FRY: variants seen among roughly 807,000 people sequenced by gnomAD.
FRY encodes the protein protein furry homolog.
A neutral mutation model predicts 348.4 loss-of-function variants in FRY; 128 were observed. The observed-to-expected ratio is 0.37, with a 90% CI of 0.32 to 0.43. FRY has a LOEUF of 0.43. Among genes scored for constraint, FRY ranks in the 20% least tolerant of loss-of-function variants. The pLI is 1.00. For missense variants in FRY, 2,736 were observed against 3,695.2 expected (o/e 0.74, Z 6.73); for synonymous variants, 1,370 against 1,374.7 (o/e 1.00, Z 0.08).
At chr13:32,268,486 TAAAAAAAAAAAA>T (rs1163691921) in intron 55 of FRY, among the ~76,000 whole-genome samples, 8 of 61,056 alleles carry the variant, frequency 1.3e-4, no homozygotes, top group South Asian at 5.9e-4. Flanking sequence ...AAAGCTAGTT[TAAAAAAAAAAAA>T]AAAAAAAATA....
intron 18 of FRY, among the ~76,000 whole-genome samples, chr13:32,171,983 A>C (rs1452547827): frequency 2.1e-4 from 2 of 9,740 alleles, no homozygotes; most frequent in Admixed American, 1.2e-3. Context: ...TGTAGATAGG[A>C]TGTGGATGTG....
intron 1 of FRY, among the ~76,000 whole-genome samples, chr13:32,074,178 C>T (rs1463198238): frequency 6.6e-6 from 1 of 152,094 alleles, no homozygotes; most frequent in Non-Finnish European, 1.5e-5. Flanking sequence ...ATGGGCCCTG[C>T]TTAATATAAA....
intron 59 of FRY, 100 bp from the exon 60 acceptor site, chr13:32,294,268 T>G: frequency 7.6e-6 from 6 of 792,870 alleles, no homozygotes; most frequent in Non-Finnish European, 1.3e-5. Flanking sequence ...GTATTAAGCT[T>G]ATGCTTAACC....
Position 32,186,216 on chromosome 13 carries a change from A to G in FRY, c.3320-44A>G, listed in dbSNP as rs771350197. On this transcript the variant is annotated intron_variant, in intron 26 of 60. Transcript: ENST00000542859. ...AGAAATATATATAATAGCGATATAC[A>G]GTATGTCCAGTCTTATAACCTCTAA... is the stretch of plus-strand genomic sequence containing the variant. The G allele has an allele frequency of 5.1e-6, 7 of 1,363,212 alleles. No individual in the cohort carries two copies. The South Asian group carries it at 7.0e-5, about 14-fold the overall frequency. The allele number at this position is 1,363,212 out of a possible 1,614,324, so 84.4% of individuals were successfully genotyped here.
chr13:32,198,350 A>G (rs1883810308), intron 29 of FRY, among the ~76,000 whole-genome samples: 2 of 152,206 alleles, frequency 1.3e-5, no homozygotes, highest in Admixed American at 1.3e-4. Context: ...ACAGAGACAT[A>G]GGTAAAGCAT....
intron 48 of FRY, 31 bp downstream of exon 48, chr13:32,247,533 CT>C: frequency 6.5e-7 from 1 of 1,531,882 alleles, no homozygotes; most frequent in Non-Finnish European, 9.0e-7. Flanking sequence ...TTTCTGTGAA[CT>C]TTAGCATGAA....
intron 11 of FRY, among the ~76,000 whole-genome samples, chr13:32,143,332 A>G (rs1880201828): frequency 6.6e-6 from 1 of 152,250 alleles, no homozygotes; most frequent in African/African-American, 2.4e-5. Context: ...AATGCTAAAA[A>G]CCAATTAACA....
intron 19 of FRY, 102 bp from the exon 20 acceptor site, chr13:32,175,444 C>G: frequency 1.3e-6 from 1 of 790,700 alleles, no homozygotes; most frequent in Non-Finnish European, 2.3e-6. Context: ...ACCCTTATCA[C>G]TATCTCACAA....
chr13:32,175,728 A>G, intron 20 of FRY, 96 bp downstream of exon 20: 1 of 767,750 alleles, frequency 1.3e-6, no homozygotes, highest in South Asian at 1.4e-5. Context: ...TTGGGTGTTT[A>G]TGTCAGATTA....
intron 31 of FRY, among the ~76,000 whole-genome samples, chr13:32,204,738 A>G (rs1232250618): frequency 6.6e-6 from 1 of 152,196 alleles, no homozygotes; most frequent in African/African-American, 2.4e-5. Context: ...AGACCCAATA[A>G]AAGCCTTTTT....
intron 17 of FRY, among the ~76,000 whole-genome samples, chr13:32,164,905 T>C (rs1308278048): frequency 2.0e-5 from 3 of 152,240 alleles, no homozygotes; most frequent in African/African-American, 7.2e-5. Flanking sequence ...TCCTTGTCAC[T>C]TCCTGCAGTG....
intron 4 of FRY, among the ~76,000 whole-genome samples, chr13:32,123,947 G>T (rs1878856706): frequency 6.6e-6 from 1 of 152,098 alleles, no homozygotes; most frequent in Admixed American, 6.5e-5. Context: ...CGATTCTCCT[G>T]CTTCAGCCTC....
intron 2 of FRY, among the ~76,000 whole-genome samples, chr13:32,082,961 TA>T (rs1168965286): frequency 1.3e-5 from 2 of 152,158 alleles, no homozygotes; most frequent in Non-Finnish European, 2.9e-5. Flanking sequence ...TTGTGCTTCT[TA>T]AATTGAGGAT....
In FRY at chr13:32,228,379, T is replaced by TAG. The variant is rs1885714270; in HGVS notation, c.5207-77_5207-76insAG. ...TAAATAACTCCACACTTCCCTGCCCTCCTCTGTGGACCTCATTAAGCATGC... is the reference window on the plus strand; with the variant it reads ...TAAATAACTCCACACTTCCCTGCCCTAGCCTCTGTGGACCTCATTAAGCATGC... On this transcript the variant is annotated intron_variant, in intron 39 of 60. Transcript: ENST00000542859. 2.8e-6 allele frequency: 3 copies of TAG among 1,057,146 alleles called. No individual in the cohort carries two copies. The African/African-American group carries it at 4.6e-5, about 16-fold the overall frequency. The allele number at this position is 1,057,146 out of a possible 1,614,324, so 65.5% of individuals were successfully genotyped here.
chr13:32,062,896 TTATAATGCATA>T (rs1307937962), intron 1 of FRY, among the ~76,000 whole-genome samples: 1 of 151,848 alleles, frequency 6.6e-6, no homozygotes, highest in African/African-American at 2.4e-5. Flanking sequence ...CACATATATT[TTATAATGCATA>T]TATAATGCAT....
At chr13:32,181,238 TACCAGTTA>T (rs1184765373) in intron 23 of FRY, among the ~76,000 whole-genome samples, 1 of 152,234 alleles carries the variant, frequency 6.6e-6, no homozygotes, top group Admixed American at 6.5e-5. Flanking sequence ...CTGCGTAGGT[TACCAGTTA>T]ACCAGAGTTT....
Position 32,057,178 on chromosome 13 carries a change from A to T in FRY, c.71-21656A>T, listed in dbSNP as rs535030467. Among the ~76,000 whole-genome samples, 78 of 148,348 alleles carry T rather than the reference A, an allele frequency of 5.3e-4. No individual in the cohort carries two copies. The Middle Eastern group carries it at 0.01, about 20-fold the overall frequency. On this transcript the variant is annotated intron_variant, in intron 1 of 60. Coordinates refer to ENST00000542859, the MANE Select transcript of FRY (RefSeq NM_023037.3). ...TTATTTTTACTTTTTTTTATTTTTT[A>T]TTTTTTTTTTAAGACAGACTCTCAC...
In FRY at chr13:32,234,596, G is replaced by A. The variant is rs768253954; in HGVS notation, c.5550G>A (p.Leu1850=). The A allele has an allele frequency of 1.2e-5, 20 of 1,614,038 alleles. No homozygotes were observed. Among genetic ancestry groups the A allele is most frequent in the Non-Finnish European group, 1.7e-5 (20 of 1,180,036 alleles). The change falls in exon 42 of 61, where the codon TTG becomes TTA. Residue 1850 remains leucine, a synonymous_variant. Coordinates refer to ENST00000542859, the MANE Select transcript of FRY (RefSeq NM_023037.3). ...TAGGCTTCCATCTGGAGCACCAGTTGAGTGAAGTTGCATTGCAGACAGCCC... is the reference window on the plus strand; with the variant it reads ...TAGGCTTCCATCTGGAGCACCAGTTAAGTGAAGTTGCATTGCAGACAGCCC... ...SKSGFHLEHQ[L]SEVALQTALA...
rs184770772 is a variant in FRY at position 32,060,169 on chromosome 13, C to A, written c.71-18665C>A. On this transcript the variant is annotated intron_variant, in intron 1 of 60. Coordinates refer to ENST00000542859, the MANE Select transcript of FRY (RefSeq NM_023037.3). ...ACAGCTGAAATAAATTTTCACTGAC[C>A]CTCATAGAATTCTTCTCTCAGAAAT... Among the ~76,000 whole-genome samples the A allele has an allele frequency of 5.5e-4, 83 of 152,234 alleles. 1 individual carries two copies. Among genetic ancestry groups the A allele is most frequent in the Admixed American group, 5.3e-3 (81 of 15,296 alleles).
Sources: allele counts gnomAD v4.1 joint callset (sites outside exome capture counted in the v4.1 genomes callset), GRCh38; gene constraint gnomAD v4.1.1; transcripts MANE v1.5; gene names NCBI Gene and HGNC (gene_info 2026-07-23, HGNC 2026-07-21).